PCDHGA1: variants seen among roughly 807,000 people sequenced by gnomAD.
PCDHGA1 encodes the protein protocadherin gamma-A1.
A neutral mutation model predicts 58.0 loss-of-function variants in PCDHGA1; 32 were observed. That is an observed-to-expected ratio of 0.55 (90% CI 0.42 to 0.74). The LOEUF (loss-of-function observed/expected upper bound fraction) is 0.74. PCDHGA1 is among the 30% of genes least tolerant of loss of function. The pLI is 0.00. For synonymous variants in PCDHGA1, 498 were observed against 501.1 expected, an observed-to-expected ratio of 0.99 and a Z score of 0.08; for missense variants, 1,205 against 1,182.3, an observed-to-expected ratio of 1.02 and a Z score of -0.28.
chr5:141,382,131 C>G (rs2150200415), intron 1 of PCDHGA1, among the ~76,000 whole-genome samples: 1 of 152,134 alleles, frequency 6.6e-6, no homozygotes, highest in African/African-American at 2.4e-5. Flanking sequence ...CCTGGCCCCC[C>G]CTCTCATTTT....
intron 1 of PCDHGA1, chr5:141,362,448 C>G (rs1370790602): frequency 1.2e-6 from 2 of 1,613,916 alleles, no homozygotes; most frequent in Non-Finnish European, 1.7e-6. Context: ...TGAACATAAC[C>G]CCGGAATTGG....
At chr5:141,418,940 C>G in intron 1 of PCDHGA1, 9 of 1,614,012 alleles carry the variant, frequency 5.6e-6, no homozygotes, top group Non-Finnish European at 6.8e-6. Context: ...GGAGGATTCC[C>G]CTCCAGGAGT....
intron 1 of PCDHGA1, chr5:141,383,056 G>A (rs768364409): frequency 4.3e-6 from 7 of 1,613,906 alleles, no homozygotes; most frequent in Non-Finnish European, 5.9e-6. Context: ...CAAGGACCTG[G>A]GGCTGGAGCC....
At chr5:141,400,138 A>G (rs1459833287) in intron 1 of PCDHGA1, 4 of 1,614,046 alleles carry the variant, frequency 2.5e-6, no homozygotes, top group Admixed American at 1.7e-5. Context: ...GCTGCCGGAT[A>G]TCACTGACCG....
chr5:141,476,766 T>C lies in PCDHGA1; in HGVS notation c.2422-18041T>C. ...AGTCTCCAGTTAGTGCTGACGGCGT[T>C]GGACGGAGGGACCCCAGCTCTCTCC... On this transcript the variant is annotated intron_variant, in intron 1 of 3. Coordinates refer to ENST00000517417, the MANE Select transcript of PCDHGA1 (RefSeq NM_018912.3). This position sits in a 1 kb window ranked among gnomAD's most constrained non-coding sequence, Gnocchi z 7.6. The C allele has an allele frequency of 1.9e-6, 3 of 1,613,626 alleles. No individual in the cohort carries two copies. The highest frequency in any genetic ancestry group is 2.5e-6 in the Non-Finnish European group (3 of 1,179,952).
intron 1 of PCDHGA1, chr5:141,346,322 G>T (rs1244479416): frequency 6.2e-7 from 1 of 1,614,062 alleles, no homozygotes; most frequent in Non-Finnish European, 8.5e-7. Flanking sequence ...CTGCGGACTC[G>T]CGGAAGAGCC....
chr5:141,375,123 T>C, intron 1 of PCDHGA1: 2 of 1,613,914 alleles, frequency 1.2e-6, no homozygotes. Context: ...GTACCAGAAG[T>C]GGTTGTTACA....
At chr5:141,399,642 G>A (rs755191053) in intron 1 of PCDHGA1, 154 of 1,613,630 alleles carry the variant, frequency 9.5e-5, no homozygotes, top group East Asian at 4.2e-4. Context: ...CCATGAGCGC[G>A]CAAAGTGGGG....
chr5:141,397,893 G>T (rs1442552386), intron 1 of PCDHGA1: 4 of 650,466 alleles, frequency 6.1e-6, no homozygotes, highest in African/African-American at 5.5e-5. Flanking sequence ...GTTGGCCAAA[G>T]TGCAGAGCTT....
chr5:141,351,215 G>A, intron 1 of PCDHGA1: 1 of 1,614,064 alleles, frequency 6.2e-7, no homozygotes, highest in South Asian at 1.1e-5. Flanking sequence ...GGAAGCTAAG[G>A]ATGGAGGAGT....
In PCDHGA1 at chr5:141,376,166, G is replaced by A. The variant is rs753856036; in HGVS notation, c.2421+43061G>A. Reference sequence around the variant, plus strand: ...TTCGGACCTCACTCTGTACCTGGTGGTGGCGGTGGCCGCGGTCTCCTGCGT... The same window carrying A: ...TTCGGACCTCACTCTGTACCTGGTGATGGCGGTGGCCGCGGTCTCCTGCGT... On this transcript the variant is annotated intron_variant, in intron 1 of 3. Transcript: ENST00000517417. The A allele has an allele frequency of 3.3e-5, 53 of 1,614,094 alleles. 1 individual carries two copies. The South Asian group carries it at 5.3e-4, about 16-fold the overall frequency.
At position 141,494,758 on chromosome 5, in the gene PCDHGA1, T is replaced by C. The variant is rs370692038; in HGVS notation, c.2422-49T>C. ...CCATCCCTAGGGGCTCGGGTGACAT[T>C]CTAACTTCTCACGGGTACTCAGCCC... On this transcript the variant is annotated intron_variant, in intron 1 of 3. Transcript: ENST00000517417. The C allele has an allele frequency of 1.3e-5, 21 of 1,613,682 alleles. No homozygotes were observed. The African/African-American group carries it at 2.7e-4, about 21-fold the overall frequency.
intron 3 of PCDHGA1, chr5:141,508,415 A>T (rs2099868684): frequency 6.6e-6 from 1 of 152,158 alleles, no homozygotes; most frequent in Non-Finnish European, 1.5e-5. Context: ...CCACGCAGAG[A>T]CTTGACCAAG....
At chr5:141,473,401 T>G (rs1285517100) in intron 1 of PCDHGA1, among the ~76,000 whole-genome samples, 3 of 152,222 alleles carry the variant, frequency 2.0e-5, no homozygotes. Context: ...GCTTCTTTTT[T>G]TCTTCTTCAG....
chr5:141,495,434 G>A (rs1038100521), intron 2 of PCDHGA1, among the ~76,000 whole-genome samples: 2 of 152,196 alleles, frequency 1.3e-5, no homozygotes, highest in Non-Finnish European at 2.9e-5. Flanking sequence ...ACTGTCCTCT[G>A]CCCCTACTTG....
At chr5:141,346,355 C>G (rs754690166) in intron 1 of PCDHGA1, 12 of 1,614,258 alleles carry the variant, frequency 7.4e-6, no homozygotes, top group Non-Finnish European at 1.0e-5. Flanking sequence ...CCCAGCCCAA[C>G]TATGCGGACA....
intron 1 of PCDHGA1, chr5:141,424,599 GATTT>G (rs1016470290): frequency 3.9e-5 from 6 of 152,170 alleles, no homozygotes; most frequent in Non-Finnish European, 8.8e-5. Flanking sequence ...GATGTCTACA[GATTT>G]ATTCAAATAG....
chr5:141,419,395 G>T (rs374575981), intron 1 of PCDHGA1: 50 of 1,613,478 alleles, frequency 3.1e-5, no homozygotes, highest in Non-Finnish European at 4.0e-5. Flanking sequence ...CGCAGAGCGG[G>T]GTGGTGTTCG....
chr5:141,339,785 G>A, intron 1 of PCDHGA1: 1 of 1,614,206 alleles, frequency 6.2e-7, no homozygotes, highest in Non-Finnish European at 8.5e-7. Flanking sequence ...CGCAGATGAG[G>A]GCTACTACGC....
Sources: allele counts gnomAD v4.1 joint callset (sites outside exome capture counted in the v4.1 genomes callset), GRCh38; gene constraint gnomAD v4.1.1; non-coding constraint Gnocchi (gnomAD v3.1); transcripts MANE v1.5; gene names NCBI Gene and HGNC (gene_info 2026-07-23, HGNC 2026-07-21).